ZNF577: variants seen among roughly 807,000 people sequenced by gnomAD.
ZNF577 encodes zinc finger protein 577.
A neutral mutation model predicts 13.9 loss-of-function variants in ZNF577; 14 were observed. The ratio of observed to expected loss-of-function variants is 1.00; its 90% CI spans 0.66 to 1.57. The LOEUF is 1.57. ZNF577 is among the 40% of genes most tolerant of loss of function. ZNF577 has a pLI of 0.00. For synonymous variants in ZNF577, 203 were observed against 202.9 expected, an observed-to-expected ratio of 1.00 and a Z score of 0.00; for missense variants, 555 against 579.2, an observed-to-expected ratio of 0.96 and a Z score of 0.43.
At chr19:51,825,072 C>T (rs1042204957) in intron 9 of ZNF577, 5 of 374,654 alleles carry the variant, frequency 1.3e-5, no homozygotes, top group Non-Finnish European at 2.5e-5. Context: ...CCCAAGTCTG[C>T]TCCTCCAGTT....
chr19:51,883,088 G>A (rs1188728183), intron 1 of ZNF577, among the ~76,000 whole-genome samples: 1 of 151,532 alleles, frequency 6.6e-6, no homozygotes, highest in African/African-American at 2.4e-5. Context: ...CCACCTCCCG[G>A]GTTCAAGCAA....
chr19:51,807,307 T>C (rs1372353463), intron 10 of ZNF577, among the ~76,000 whole-genome samples: 2 of 152,192 alleles, frequency 1.3e-5, no homozygotes, highest in Non-Finnish European at 2.9e-5. Flanking sequence ...TCTCAATAGA[T>C]AACTCTCAAT....
Position 51,873,566 on chromosome 19 carries a change from T to A in ZNF577, c.424A>T (p.Lys142Ter), listed in dbSNP as rs1329083471. Reference protein sequence around the residue: ...YHRCVKPSSPKSQLNDLQKIC... With the variant: ...YHRCVKPSSP Reference sequence around the variant, plus strand: ...TTTTGTAGGTCATTGAGCTGTGATTTAGGGCTGCTGGGTTTAACACATCTA... The same window carrying A: ...TTTTGTAGGTCATTGAGCTGTGATTAAGGGCTGCTGGGTTTAACACATCTA... Residue 142 changes from lysine to a stop codon, truncating the protein, a stop_gained, in exon 6 of 6, where the codon AAA (lysine) becomes TAA (stop). Coordinates refer to ENST00000638348, the MANE Select transcript of ZNF577 (RefSeq NM_001370449.1). LOFTEE classifies it low-confidence loss of function (END_TRUNC). The A allele has an allele frequency of 6.2e-7, 1 of 1,614,226 alleles. No homozygotes were observed. The highest frequency in any genetic ancestry group is 1.1e-5 in the South Asian group (1 of 91,078).
chr19:51,883,271 G>C (rs1473552696), intron 1 of ZNF577, among the ~76,000 whole-genome samples: 1 of 151,826 alleles, frequency 6.6e-6, no homozygotes, highest in African/African-American at 2.4e-5. Context: ...GATTACAGGT[G>C]TGAGCTACTG....
intron 3 of ZNF577, among the ~76,000 whole-genome samples, chr19:51,879,170 T>G (rs1217991814): frequency 6.6e-6 from 1 of 150,648 alleles, no homozygotes; most frequent in Non-Finnish European, 1.5e-5. Flanking sequence ...GGCAGGAGAA[T>G]GGCATGAACC....
In ZNF577 at chr19:51,868,980, A is replaced by T. The variant is rs987727376; in HGVS notation, c.*3552T>A. Among the ~76,000 whole-genome samples, 1 of 152,154 alleles carries T rather than the reference A, an allele frequency of 6.6e-6. No homozygotes were observed. Among genetic ancestry groups the T allele is most frequent in the African/African-American group, 2.4e-5 (1 of 41,428 alleles). The stretch of plus-strand genomic sequence containing the variant: ...TCATCACCATTCTCCAGTCTCGAGT[A>T]CCCAGGGACACAATGCACTGCGGAA... On this transcript the variant is annotated 3_prime_UTR_variant, in exon 6 of 6. Transcript: ENST00000638348.
At chr19:51,862,048 A>C (rs1055531352), downstream of ZNF577, 1 of 152,498 alleles carries the variant, frequency 6.6e-6, no homozygotes, top group African/African-American at 2.4e-5. Flanking sequence ...GTTGACCTTC[A>C]TTGCATCATA....
At chr19:51,807,926 G>A (rs112868652) in intron 10 of ZNF577, among the ~76,000 whole-genome samples, 8 of 152,316 alleles carry the variant, frequency 5.3e-5, no homozygotes, top group African/African-American at 1.7e-4. Flanking sequence ...GCAAGGTTTT[G>A]ACTGTTTGAT....
intron 9 of ZNF577, among the ~76,000 whole-genome samples, chr19:51,828,517 C>G (rs1233957924): frequency 6.6e-6 from 1 of 152,192 alleles, no homozygotes; most frequent in Non-Finnish European, 1.5e-5. Context: ...TTCCCACTGG[C>G]CTTGGTTAAT....
chr19:51,838,608 TATATATAAATTTATATTAAATTAA>T (rs1407113501), intron 9 of ZNF577, among the ~76,000 whole-genome samples: 1 of 147,788 alleles, frequency 6.8e-6, no homozygotes, highest in African/African-American at 2.4e-5. Flanking sequence ...TAAACATAAA[TATATATAAATTTATATTAAATTAA>T]ATAGAATTTA....
At chr19:51,841,951 A>G (rs2084323416) in intron 8 of ZNF577, among the ~76,000 whole-genome samples, 1 of 152,250 alleles carries the variant, frequency 6.6e-6, no homozygotes, top group Non-Finnish European at 1.5e-5. Flanking sequence ...TCTCAAGTTC[A>G]TATACAAGAA....
intron 9 of ZNF577, among the ~76,000 whole-genome samples, chr19:51,838,947 A>C (rs2122536267): frequency 6.6e-6 from 1 of 152,296 alleles, no homozygotes; most frequent in East Asian, 1.9e-4. Context: ...AAAGCAGAAA[A>C]GGAAAAGTTA....
intron 9 of ZNF577, among the ~76,000 whole-genome samples, chr19:51,821,439 T>C (rs73061085): frequency 0.11 from 16,163 of 152,046 alleles, 1,187 homozygotes; most frequent in Middle Eastern, 0.17. Flanking sequence ...GCCAGGGGTG[T>C]TGCTAAATAT....
chr19:51,831,817 T>C (rs1242990514), intron 9 of ZNF577, among the ~76,000 whole-genome samples: 1 of 152,236 alleles, frequency 6.6e-6, no homozygotes, highest in East Asian at 1.9e-4. Flanking sequence ...ACACTAGTAA[T>C]ATCTTTATTT....
chr19:51,855,783 C>A (rs977995657), intron 5 of ZNF577: 2 of 152,080 alleles, frequency 1.3e-5, no homozygotes, highest in African/African-American at 4.8e-5. Flanking sequence ...TGAGTTAGGA[C>A]AAAGAATGGA....
intron 3 of ZNF577, 65 bp from the exon 4 acceptor site, chr19:51,878,580 G>A: frequency 1.9e-6 from 3 of 1,588,196 alleles, no homozygotes; most frequent in Non-Finnish European, 2.6e-6. Context: ...AAGAGGGACG[G>A]GGACATGTCT....
intron 5 of ZNF577, among the ~76,000 whole-genome samples, chr19:51,855,219 T>C (rs1027245107): frequency 1.3e-5 from 2 of 152,206 alleles, no homozygotes; most frequent in African/African-American, 4.8e-5. Context: ...GTTGCGATTG[T>C]TGTTGCAGTT....
At chr19:51,835,354 GA>G (rs1178523050) in intron 9 of ZNF577, among the ~76,000 whole-genome samples, 4 of 148,090 alleles carry the variant, frequency 2.7e-5, no homozygotes, top group Non-Finnish European at 4.5e-5. Context: ...AAAAGAATTA[GA>G]AAATCTAAAT....
intron 8 of ZNF577, among the ~76,000 whole-genome samples, chr19:51,841,323 G>A (rs1428320695): frequency 6.6e-6 from 1 of 152,110 alleles, no homozygotes; most frequent in South Asian, 2.1e-4. Context: ...GCCTGCATTT[G>A]CTGTAGAGCC....
Sources: allele counts gnomAD v4.1 joint callset (sites outside exome capture counted in the v4.1 genomes callset), GRCh38; gene constraint gnomAD v4.1.1; transcripts MANE v1.5; gene names NCBI Gene and HGNC (gene_info 2026-07-23, HGNC 2026-07-21).